Variants in WDR17 observed in about 807,000 individuals in gnomAD.
WDR17 encodes WD repeat-containing protein 17.
Under a neutral mutation model 161.7 loss-of-function variants are expected in WDR17, and 143 were observed. That is an observed-to-expected ratio of 0.88 (90% CI 0.77 to 1.02). WDR17 has a LOEUF of 1.02. Among genes scored for constraint, WDR17 ranks in the 50% least tolerant of loss-of-function variants. The pLI, the probability that WDR17 is intolerant of heterozygous loss-of-function variation, is 0.00. For missense variants in WDR17, 1,469 were observed against 1,520.9 expected (o/e 0.97, Z 0.57); for synonymous variants, 517 against 515.6 (o/e 1.00, Z -0.04).
chr4:176,079,083 T>C (rs971824820), intron 1 of WDR17, among the ~76,000 whole-genome samples: 23 of 152,116 alleles, frequency 1.5e-4, no homozygotes, highest in Non-Finnish European at 5.9e-5. Flanking sequence ...AGTTGTATGA[T>C]ACCAACTTTT....
At chr4:176,073,553 C>T (rs1216089230) in intron 1 of WDR17, among the ~76,000 whole-genome samples, 14 of 151,448 alleles carry the variant, frequency 9.2e-5, no homozygotes, top group African/African-American at 2.9e-4. Context: ...TGAATAGTGC[C>T]GCAATAAACA....
intron 1 of WDR17, among the ~76,000 whole-genome samples, chr4:176,093,073 A>G (rs1321268266): frequency 6.6e-6 from 1 of 152,040 alleles, no homozygotes; most frequent in Non-Finnish European, 1.5e-5. Flanking sequence ...AAAAGAAATC[A>G]AGAATGTAGT....
Position 176,151,976 on chromosome 4 carries a change from C to T in WDR17, c.2460+9C>T, listed in dbSNP as rs1218140136. On this transcript the variant is annotated intron_variant, in intron 17 of 28. Coordinates refer to ENST00000508596, the MANE Select transcript of WDR17 (RefSeq NM_181265.4). ...TGGTTGAACTTGGAGAGGTAATGTG[C>T]TATGAAAGTAAAACTAATGAGTTTA... 2.2e-5 allele frequency: 36 copies of T among 1,607,572 alleles called. No individual in the cohort carries two copies. The highest frequency in any genetic ancestry group is 3.0e-5 in the Non-Finnish European group (35 of 1,178,144).
intron 1 of WDR17, among the ~76,000 whole-genome samples, chr4:176,104,740 C>A (rs1738416443): frequency 6.6e-6 from 1 of 151,816 alleles, no homozygotes; most frequent in Non-Finnish European, 1.5e-5. Context: ...ATAGGATATA[C>A]ACAGAAGAAA....
intron 6 of WDR17, among the ~76,000 whole-genome samples, chr4:176,130,213 A>G (rs62339425): frequency 0.32 from 48,821 of 152,090 alleles, 8,625 homozygotes; most frequent in East Asian, 0.43. Context: ...ATTGGTGCAT[A>G]AAAGTTGTCT....
Position 176,142,067 on chromosome 4 carries a change from T to A in WDR17, c.1527T>A (p.Asn509Lys). 5.0e-6 allele frequency: 8 copies of A among 1,608,476 alleles called. No homozygotes were observed. The highest frequency in any genetic ancestry group is 6.8e-6 in the Non-Finnish European group (8 of 1,177,352). Residue 509 changes from asparagine to lysine, a missense_variant and splice_region_variant, in exon 11 of 29, where the codon AAT (asparagine) becomes AAA (lysine). Asn to Lys is a moderately conservative substitution (Grantham distance 94). Transcript: ENST00000508596. ...TTGGTTGTGATTGGAGCCAAAACAA[T>A]AAGTAAGTGGTTTTTTTTCCTGAAA... is the stretch of plus-strand genomic sequence containing the variant. ...AVFGCDWSQN[N>K]KDMIATGCED...
At chr4:176,106,466 A>G (rs562625286) in intron 1 of WDR17, among the ~76,000 whole-genome samples, 4 of 152,158 alleles carry the variant, frequency 2.6e-5, no homozygotes, top group African/African-American at 9.6e-5. Context: ...ACACCATATA[A>G]AAAAATTAAA....
intron 1 of WDR17, among the ~76,000 whole-genome samples, chr4:176,110,149 T>A (rs1258653409): frequency 1.3e-5 from 2 of 152,132 alleles, no homozygotes; most frequent in African/African-American, 4.8e-5. Flanking sequence ...TTATTTATTT[T>A]TATTTTTTTT....
intron 13 of WDR17, among the ~76,000 whole-genome samples, chr4:176,149,145 T>C (rs1746680931): frequency 6.6e-6 from 1 of 152,242 alleles, no homozygotes; most frequent in South Asian, 2.1e-4. Context: ...CTATGTATGC[T>C]ATTGGTTTTA....
intron 1 of WDR17, among the ~76,000 whole-genome samples, chr4:176,098,872 A>C (rs1487993167): frequency 1.3e-5 from 2 of 151,950 alleles, no homozygotes. Context: ...TATCTGGTTT[A>C]GCAAGTTATT....
At chr4:176,149,774 A>G (rs758457136) in intron 13 of WDR17, 33 bp from the exon 14 acceptor site, 3 of 1,601,812 alleles carry the variant, frequency 1.9e-6, no homozygotes, top group Non-Finnish European at 2.5e-6. Context: ...TTCAATGTTC[A>G]CTTTACTTAA....
chr4:176,096,861 T>C (rs1176368297), intron 1 of WDR17, among the ~76,000 whole-genome samples: 1 of 151,708 alleles, frequency 6.6e-6, no homozygotes, highest in Non-Finnish European at 1.5e-5. Flanking sequence ...TAAAATAATA[T>C]TTTATATATT....
chr4:176,141,587 G>A (rs898588970), intron 10 of WDR17, among the ~76,000 whole-genome samples: 5 of 151,898 alleles, frequency 3.3e-5, no homozygotes, highest in East Asian at 3.9e-4. Context: ...GCACCACCAC[G>A]CCTGGCTACT....
intron 17 of WDR17, among the ~76,000 whole-genome samples, chr4:176,153,872 G>C (rs528550355): frequency 6.6e-6 from 1 of 152,090 alleles, no homozygotes. Flanking sequence ...AAATTTAAAA[G>C]TATTTAATTT....
chr4:176,152,107 C>CAG (rs1747227620), intron 17 of WDR17, 140 bp downstream of exon 17: 1 of 718,758 alleles, frequency 1.4e-6, no homozygotes, highest in South Asian at 2.1e-5. Flanking sequence ...CCCAGGAGTT[C>CAG]GATACTAGCC....
intron 17 of WDR17, among the ~76,000 whole-genome samples, chr4:176,153,318 G>C (rs954133005): frequency 2.0e-5 from 3 of 152,170 alleles, no homozygotes; most frequent in African/African-American, 4.8e-5. Context: ...GGTTTCTGCT[G>C]AATATCATCT....
chr4:176,150,953 T>TTA (rs1747016836), intron 16 of WDR17, among the ~76,000 whole-genome samples: 1 of 152,220 alleles, frequency 6.6e-6, no homozygotes, highest in Non-Finnish European at 1.5e-5. Flanking sequence ...AATGATCATA[T>TTA]TATAGCTCTT....
chr4:176,071,563 C>T lies in WDR17; in HGVS notation c.-7+5484C>T, dbSNP rs185535380. 1.1e-4 allele frequency among the ~76,000 whole-genome samples: 16 copies of T among 152,210 alleles called. No homozygotes were observed. The East Asian group carries it at 2.9e-3, about 28-fold the overall frequency. On this transcript the variant is annotated intron_variant, in intron 1 of 28. Coordinates refer to ENST00000508596, the MANE Select transcript of WDR17 (RefSeq NM_181265.4). ...GTCTCAAACTCCTGACCTCGGCCCA[C>T]CTTGGCCTCTCAAAGTGTTGGAATT...
chr4:176,127,579 A>G (rs763218110), intron 5 of WDR17, among the ~76,000 whole-genome samples: 1 of 152,228 alleles, frequency 6.6e-6, no homozygotes, highest in Non-Finnish European at 1.5e-5. Flanking sequence ...TACAGGCATG[A>G]GCCATCATGC....
Sources: allele counts gnomAD v4.1 joint callset (sites outside exome capture counted in the v4.1 genomes callset), GRCh38; gene constraint gnomAD v4.1.1; transcripts MANE v1.5; gene names NCBI Gene and HGNC (gene_info 2026-07-23, HGNC 2026-07-21).